AUTS2: variants seen among roughly 807,000 people sequenced by gnomAD.
AUTS2 encodes the protein activator of transcription and developmental regulator AUTS2.
Under a neutral mutation model 112.4 loss-of-function variants are expected in AUTS2, and 17 were observed. That is an observed-to-expected ratio of 0.15 (90% CI 0.10 to 0.23). The LOEUF is 0.23. Ranked by LOEUF, AUTS2 falls within the 10% of genes least tolerant of loss-of-function variation. The probability of loss-of-function intolerance (pLI) is 1.00; values close to 1 mark genes in which losing one functional copy is unlikely to be tolerated. For synonymous variants in AUTS2, 751 were observed against 702.7 expected, an observed-to-expected ratio of 1.07 and a Z score of -1.09; for missense variants, 1,510 against 1,701.6, an observed-to-expected ratio of 0.89 and a Z score of 1.98.
chr7:70,045,031 A>T (rs1280815548), intron 2 of AUTS2, among the ~76,000 whole-genome samples: 3 of 151,694 alleles, frequency 2.0e-5, no homozygotes, highest in Non-Finnish European at 4.4e-5. Context: ...GTGTTACCGG[A>T]CCTATTCTGC....
intron 5 of AUTS2, among the ~76,000 whole-genome samples, chr7:70,460,382 C>T (rs368555857): frequency 1.5e-4 from 16 of 109,168 alleles, no homozygotes; most frequent in African/African-American, 4.6e-4. Flanking sequence ...TGGAGTTTCG[C>T]TTGTGTCACC....
At chr7:69,936,580 A>G in intron 2 of AUTS2, among the ~76,000 whole-genome samples, 1 of 152,066 alleles carries the variant, frequency 6.6e-6, no homozygotes, top group East Asian at 1.9e-4. Flanking sequence ...CGATCTCCTG[A>G]CCTCGTAATC....
intron 4 of AUTS2, among the ~76,000 whole-genome samples, chr7:70,253,375 T>C (rs764979589): frequency 6.6e-6 from 1 of 152,222 alleles, no homozygotes; most frequent in Non-Finnish European, 1.5e-5. Context: ...AGACATTACA[T>C]ATACTTAGCG....
intron 4 of AUTS2, among the ~76,000 whole-genome samples, chr7:70,157,884 ATGGGAGTG>A (rs1807867458): frequency 6.6e-6 from 1 of 152,144 alleles, no homozygotes; most frequent in Admixed American, 6.6e-5. Context: ...TGGCCTTACA[ATGGGAGTG>A]GGAGGAGAGG....
In AUTS2 at chr7:70,335,983, G is replaced by A. The variant is rs543483187; in HGVS notation, c.661-99769G>A. Among the ~76,000 whole-genome samples the A allele has an allele frequency of 2.0e-5, 3 of 152,218 alleles. No individual in the cohort carries two copies. In the East Asian group the frequency reaches 5.8e-4, roughly 29 times the overall value. On this transcript the variant is annotated intron_variant, in intron 4 of 18. Coordinates refer to ENST00000342771, the MANE Select transcript of AUTS2 (RefSeq NM_015570.4). Reference sequence around the variant, plus strand: ...TCACACAATTCTTTAATTGCAGCAAGCATCTCAAGTAAATACATAACTTTT... The same window carrying A: ...TCACACAATTCTTTAATTGCAGCAAACATCTCAAGTAAATACATAACTTTT...
At position 70,790,969 on chromosome 7, in the gene AUTS2, C is replaced by T. The variant is rs1259096396; in HGVS notation, c.3753C>T (p.His1251=). ...AGATAAGGGAGAGGCCCCCTTCCCA[C>T]ACGCTGAAGGATATCGAGGCCCGAT... The part of the protein sequence containing the change: ...SAEIRERPPS[H]TLKDIEAR The change falls in exon 19 of 19, where the codon CAC becomes CAT. Residue 1251 remains histidine (H), a synonymous_variant. Coordinates refer to ENST00000342771, the MANE Select transcript of AUTS2 (RefSeq NM_015570.4). The surrounding 1 kb of genome is among the most constrained non-coding windows in gnomAD (Gnocchi z 7.6). 1 of 1,508,078 alleles carries T rather than the reference C, an allele frequency of 6.6e-7. No homozygotes were observed. The highest frequency in any genetic ancestry group is 8.9e-7 in the Non-Finnish European group (1 of 1,128,156). The allele number at this position is 1,508,078 out of a possible 1,614,324, so 93.4% of individuals were successfully genotyped here. A position where few individuals can be genotyped will look rare whatever the true frequency, so the allele number is the denominator to read the frequency against.
At chr7:69,985,553 C>A (rs1051322996) in intron 2 of AUTS2, among the ~76,000 whole-genome samples, 1 of 152,202 alleles carries the variant, frequency 6.6e-6, no homozygotes, top group Non-Finnish European at 1.5e-5. Context: ...AATACTTGGT[C>A]ATGGCCTATG....
At chr7:69,623,381 A>AATT (rs1793771438) in intron 1 of AUTS2, among the ~76,000 whole-genome samples, 1 of 71,944 alleles carries the variant, frequency 1.4e-5, no homozygotes, top group Non-Finnish European at 2.5e-5. Context: ...ACGCCCAGCA[A>AATT]TTTTTTTTTT....
chr7:69,917,099 C>T (rs1260037536), intron 2 of AUTS2, among the ~76,000 whole-genome samples: 2 of 152,024 alleles, frequency 1.3e-5, no homozygotes, highest in South Asian at 2.1e-4. Flanking sequence ...CTGCAGCCTC[C>T]ACCTCATGGG....
intron 8 of AUTS2, 143 bp downstream of exon 8, chr7:70,765,148 C>A: frequency 8.5e-7 from 1 of 1,182,904 alleles, no homozygotes; most frequent in Non-Finnish European, 1.2e-6. Context: ...CAAACGCTCT[C>A]TGGCCTGAGG....
chr7:69,837,685 T>A (rs902213161), intron 1 of AUTS2, among the ~76,000 whole-genome samples: 11 of 152,190 alleles, frequency 7.2e-5, no homozygotes, highest in African/African-American at 2.7e-4. Context: ...GAAGCGTTCA[T>A]CAAGAGGCGT....
At chr7:70,689,381 A>G (rs928382451) in intron 5 of AUTS2, among the ~76,000 whole-genome samples, 3 of 151,914 alleles carry the variant, frequency 2.0e-5, no homozygotes, top group African/African-American at 7.3e-5. Context: ...ACCCTATCTC[A>G]GAAAAAAGAA....
intron 2 of AUTS2, among the ~76,000 whole-genome samples, chr7:69,928,656 C>T (rs528682157): frequency 6.6e-5 from 10 of 152,206 alleles, no homozygotes; most frequent in African/African-American, 2.4e-4. Flanking sequence ...CATTAGGCAC[C>T]GAGAGAGCAG....
At chr7:70,784,742 T>TAAAAAA in intron 15 of AUTS2, 200 bp from the exon 16 acceptor site, 1 of 278,944 alleles carries the variant, frequency 3.6e-6, no homozygotes, top group South Asian at 4.0e-5. Context: ...TTCTGCTTCC[T>TAAAAAA]AAAAAAAAAA....
chr7:70,351,121 G>C (rs543723629), intron 4 of AUTS2, among the ~76,000 whole-genome samples: 1 of 151,078 alleles, frequency 6.6e-6, no homozygotes, highest in Non-Finnish European at 1.5e-5. Flanking sequence ...CACAATCTCG[G>C]CTCACTGCAA....
rs115676887 is a variant in AUTS2 at position 70,295,693 on chromosome 7, C to T, written c.661-140059C>T. Among the ~76,000 whole-genome samples the T allele has an allele frequency of 1.5e-3, 223 of 152,268 alleles. 1 individual carries two copies. The highest frequency in any genetic ancestry group is 4.9e-3 in the African/African-American group (204 of 41,556). ...ACTACCCATTCATAGGCAGTAGCCC[C>T]TTGTTTCTCTTCTTCGTGAAACCTG... On this transcript the variant is annotated intron_variant, in intron 4 of 18. Transcript: ENST00000342771.
rs1006202505 is a variant in AUTS2 at position 70,131,480 on chromosome 7, TTTTGGTGACTGTCTCTTC to T, written c.625-3043_625-3026del. On this transcript the variant is annotated intron_variant, in intron 3 of 18. Transcript: ENST00000342771. ...CTGTCTACTTTCATGGTTCTTTACC[TTTTGGTGACTGTCTCTTC>T]TTTGGTGACTGTGTCTTCTAAAATG... Among the ~76,000 whole-genome samples, 6 of 152,324 alleles carry T rather than the reference TTTTGGTGACTGTCTCTTC, an allele frequency of 3.9e-5. 1 individual carries two copies. Among genetic ancestry groups the T allele is most frequent in the African/African-American group, 1.4e-4 (6 of 41,574 alleles).
chr7:70,767,817 C>T (rs773271235), intron 9 of AUTS2, among the ~76,000 whole-genome samples: 10 of 152,196 alleles, frequency 6.6e-5, no homozygotes, highest in Non-Finnish European at 1.0e-4. Flanking sequence ...AGAACTAAAA[C>T]GTACCACTTG....
chr7:69,922,072 G>GA, intron 2 of AUTS2, among the ~76,000 whole-genome samples: 1 of 127,598 alleles, frequency 7.8e-6, no homozygotes, highest in Non-Finnish European at 1.8e-5. Flanking sequence ...CTCAAAAAAA[G>GA]AAAAAAGAAA....
Sources: allele counts gnomAD v4.1 joint callset (sites outside exome capture counted in the v4.1 genomes callset), GRCh38; gene constraint gnomAD v4.1.1; non-coding constraint Gnocchi (gnomAD v3.1); transcripts MANE v1.5; gene names NCBI Gene and HGNC (gene_info 2026-07-23, HGNC 2026-07-21).